The following NR3C1 variants were observed in gnomAD, a reference collection of about 807,000 sequenced individuals.
The protein encoded by NR3C1 is nuclear receptor subfamily 3 group C member 1, also known as glucocorticoid receptor.
NR3C1 carries 14 observed loss-of-function variants against 74.0 expected under a neutral mutation model. That is an observed-to-expected ratio of 0.19 (90% CI 0.12 to 0.30). The LOEUF (loss-of-function observed/expected upper bound fraction) is 0.30, where lower values mean the gene tolerates loss of function less well. Among genes scored for constraint, NR3C1 ranks in the 10% least tolerant of loss-of-function variants. The probability of loss-of-function intolerance (pLI) is 1.00; values close to 1 mark genes in which losing one functional copy is unlikely to be tolerated. For missense variants in NR3C1, 695 were observed against 909.8 expected (o/e 0.76, Z 3.04); for synonymous variants, 308 against 332.5 (o/e 0.93, Z 0.80).
intron 1 of NR3C1, 125 bp from the exon 2 acceptor site, chr5:143,400,977 C>A: frequency 3.9e-6 from 3 of 767,326 alleles, no homozygotes; most frequent in Admixed American, 2.0e-5. Flanking sequence ...GAATCAAATT[C>A]TTTGTTACCA....
At chr5:143,372,098 T>C (rs1834333577) in intron 2 of NR3C1, among the ~76,000 whole-genome samples, 1 of 152,234 alleles carries the variant, frequency 6.6e-6, no homozygotes, top group Non-Finnish European at 1.5e-5. Context: ...CAGTCTGAGA[T>C]ATGACAGCAA....
At chr5:143,354,663 C>T (rs912738582) in intron 2 of NR3C1, among the ~76,000 whole-genome samples, 4 of 152,194 alleles carry the variant, frequency 2.6e-5, no homozygotes, top group East Asian at 1.9e-4. Flanking sequence ...CAGGCTGGCA[C>T]GGTAATCCCA....
intron 2 of NR3C1, among the ~76,000 whole-genome samples, chr5:143,357,725 AG>A (rs1462408681): frequency 6.6e-6 from 1 of 152,246 alleles, no homozygotes; most frequent in Non-Finnish European, 1.5e-5. Flanking sequence ...TCAATAAAAA[AG>A]AAAATTCTGT....
rs539161275 is a variant in NR3C1, at chr5:143,329,404, A to G, written c.1185-15236T>C. ...TTGGGTGGGGACACAGAGCCAAACC[A>G]TATCACATCCTGAAAGTAGGTATCT... On this transcript the variant is annotated intron_variant, in intron 2 of 8. Transcript: ENST00000394464. Among the ~76,000 whole-genome samples the G allele has an allele frequency of 2.0e-4, 31 of 152,352 alleles. No individual in the cohort carries two copies. The South Asian group carries it at 5.2e-3, about 25-fold the overall frequency.
chr5:143,392,095 A>G (rs1426367188), intron 2 of NR3C1, among the ~76,000 whole-genome samples: 1 of 151,970 alleles, frequency 6.6e-6, no homozygotes, highest in Non-Finnish European at 1.5e-5. Flanking sequence ...GCTCCCGAGT[A>G]GCTGGGACTA....
At chr5:143,419,488 G>A (rs573719091) in intron 1 of NR3C1, among the ~76,000 whole-genome samples, 1 of 152,274 alleles carries the variant, frequency 6.6e-6, no homozygotes, top group South Asian at 2.1e-4. Flanking sequence ...GCGTCAGCCA[G>A]TTTGAGAAAT....
rs1171680343 is a variant in NR3C1, at chr5:143,332,738, A to G, written c.1185-18570T>C. ...TAGAAGTGAAACCTCATGCCTTGGA[A>G]TTGCCAGATAAACATTCCTTGGCCT... On this transcript the variant is annotated intron_variant, in intron 2 of 8. Coordinates refer to ENST00000394464, the MANE Select transcript of NR3C1 (RefSeq NM_000176.3). The G allele has an allele frequency of 1.1e-4, 181 of 1,588,434 alleles. 1 individual carries two copies. Among genetic ancestry groups the G allele is most frequent in the South Asian group, 3.0e-4 (27 of 90,720 alleles).
At chr5:143,422,581 G>C (rs939162822) in intron 1 of NR3C1, among the ~76,000 whole-genome samples, 3 of 152,130 alleles carry the variant, frequency 2.0e-5, no homozygotes, top group Non-Finnish European at 2.9e-5. Context: ...CCATATAAAA[G>C]AGGCCTCAGG....
intron 4 of NR3C1, among the ~76,000 whole-genome samples, chr5:143,309,746 A>G (rs1820504047): frequency 6.6e-6 from 1 of 152,230 alleles, no homozygotes. Context: ...TGTCTGATAC[A>G]GAAACATTTC....
intron 1 of NR3C1, chr5:143,401,162 C>T (rs1022770311): frequency 5.5e-6 from 2 of 364,284 alleles, no homozygotes; most frequent in Admixed American, 8.0e-5. Context: ...TAATCACAGA[C>T]ATTATAATTC....
At chr5:143,429,560 C>G (rs1055814315) in intron 1 of NR3C1, among the ~76,000 whole-genome samples, 2 of 152,218 alleles carry the variant, frequency 1.3e-5, no homozygotes, top group Admixed American at 1.3e-4. Context: ...ATGCAACTAT[C>G]TCTGCTATGG....
At chr5:143,345,571 T>C (rs572477887) in intron 2 of NR3C1, among the ~76,000 whole-genome samples, 6 of 152,328 alleles carry the variant, frequency 3.9e-5, no homozygotes, top group African/African-American at 1.4e-4. Context: ...TGCATGACAA[T>C]AAACAGTGCA....
intron 2 of NR3C1, among the ~76,000 whole-genome samples, chr5:143,348,734 T>C (rs879386910): frequency 5.3e-5 from 8 of 152,182 alleles, no homozygotes; most frequent in Non-Finnish European, 1.2e-4. Context: ...TGATCAGACA[T>C]GATTTATAGT....
chr5:143,297,821 A>T (rs187118739), intron 6 of NR3C1, among the ~76,000 whole-genome samples: 83 of 152,314 alleles, frequency 5.4e-4, no homozygotes, highest in Non-Finnish European at 9.7e-4. Context: ...GTCTAAGAGT[A>T]TGCTGGAAAG....
chr5:143,433,247 G>T (rs577649678), intron 1 of NR3C1, among the ~76,000 whole-genome samples: 13 of 151,948 alleles, frequency 8.6e-5, no homozygotes, highest in Admixed American at 7.9e-4. Flanking sequence ...GCTGCCTAAA[G>T]TTCACAGAGT....
chr5:143,385,867 T>C (rs779999337), intron 2 of NR3C1, among the ~76,000 whole-genome samples: 5 of 152,250 alleles, frequency 3.3e-5, no homozygotes, highest in Admixed American at 6.5e-5. Flanking sequence ...AGTTACAAAG[T>C]TGCTTCCGCA....
chr5:143,389,118 G>T (rs1310565233), intron 2 of NR3C1, among the ~76,000 whole-genome samples: 1 of 152,184 alleles, frequency 6.6e-6, no homozygotes, highest in Non-Finnish European at 1.5e-5. Flanking sequence ...TCCCAGGAAG[G>T]AGTTTGAGAT....
chr5:143,374,917 A>G (rs1395364844), intron 2 of NR3C1, among the ~76,000 whole-genome samples: 1 of 152,186 alleles, frequency 6.6e-6, no homozygotes, highest in African/African-American at 2.4e-5. Flanking sequence ...CTGATTTTCT[A>G]GAGACTCCAT....
chr5:143,367,361 C>T (rs1425599396), intron 2 of NR3C1, among the ~76,000 whole-genome samples: 1 of 152,210 alleles, frequency 6.6e-6, no homozygotes, highest in Admixed American at 6.5e-5. Flanking sequence ...CAAAGATGCT[C>T]ATTCTCACCA....
Sources: gnomAD v4.1 joint callset for allele counts (sites outside exome capture counted in the v4.1 genomes callset) on GRCh38, gnomAD v4.1.1 for gene constraint, MANE v1.5 for transcripts, NCBI Gene and HGNC (gene_info 2026-07-23, HGNC 2026-07-21) for gene names.